The following EFCC1 variants were observed in gnomAD, a reference collection of about 807,000 sequenced individuals.
The protein encoded by EFCC1 is EF-hand and coiled-coil domain containing 1.
In EFCC1, 50 loss-of-function variants were observed where a neutral mutation model predicts 52.1. That is an observed-to-expected ratio of 0.96 (90% CI 0.76 to 1.21). The LOEUF is 1.21. Among genes scored for constraint, EFCC1 ranks in the 50% most tolerant of loss-of-function variants. The pLI, the probability that EFCC1 is intolerant of heterozygous loss-of-function variation, is 0.00. For synonymous variants in EFCC1, 399 were observed against 396.5 expected (o/e 1.01, Z -0.08); for missense variants, 837 against 867.3 (o/e 0.97, Z 0.44).
intron 2 of EFCC1, among the ~76,000 whole-genome samples, chr3:129,016,205 C>T (rs887479715): frequency 6.6e-6 from 1 of 152,150 alleles, no homozygotes; most frequent in African/African-American, 2.4e-5. Flanking sequence ...GCTACAGTTG[C>T]TGTACAGGTA....
chr3:129,039,995 CGAGCCCA>C lies in EFCC1; in HGVS notation c.*153_*159del. On this transcript the variant is annotated 3_prime_UTR_variant, in exon 8 of 8. Transcript: ENST00000683648. ...TGCTGGCTCCTTCCAAGGTTAAGCC[CGAGCCCA>C]GAGCCTCCCATTGCAGCACCTGGCA... The C allele has an allele frequency of 1.8e-6, 2 of 1,142,672 alleles. No individual in the cohort carries two copies. The highest frequency in any genetic ancestry group is 2.3e-6 in the Non-Finnish European group (2 of 858,404). 70.8% of individuals were successfully genotyped at this position (1,142,672 alleles called of 1,614,324 possible).
intron 6 of EFCC1, 113 bp downstream of exon 6, chr3:129,037,230 AT>A (rs1946369083): frequency 2.2e-6 from 3 of 1,373,042 alleles, no homozygotes; most frequent in South Asian, 3.2e-5. Context: ...GGCAGCTGTT[AT>A]CCCATTTTAC....
intron 5 of EFCC1, 91 bp from the exon 6 acceptor site, chr3:129,036,886 A>G (rs1946360143): frequency 6.3e-7 from 1 of 1,590,016 alleles, no homozygotes; most frequent in Non-Finnish European, 8.5e-7. Flanking sequence ...GGGCCTCAGC[A>G]CCAGCCTCGG....
At position 129,003,827 on chromosome 3, in the gene EFCC1, G is replaced by T. The variant is rs1944922617; in HGVS notation, c.730G>T (p.Glu244Ter). The T allele has an allele frequency of 6.8e-7, 1 of 1,466,332 alleles. No individual in the cohort carries two copies. Among genetic ancestry groups the T allele is most frequent in the South Asian group, 1.3e-5 (1 of 78,202 alleles). The allele number at this position is 1,466,332 out of a possible 1,614,324, so 90.8% of individuals were successfully genotyped here. A position where few individuals can be genotyped will look rare whatever the true frequency, so the allele number is the denominator to read the frequency against. ...CTGGAAGAGCCAGGCGAGCACCCAC[G>T]AGATGGGGCACGGCGGGCCGGAGGC... ...GLWKSQASTHEMGHGGPEAAV... is the reference protein window; with the variant it reads ...GLWKSQASTH The change falls in exon 2 of 8, where the codon GAG becomes TAG. Residue 244 changes from glutamate to a stop codon, truncating the protein, a stop_gained. Transcript: ENST00000683648. LOFTEE classifies it high-confidence loss of function.
chr3:129,002,499 C>T (rs1330367200), intron 1 of EFCC1, 175 bp downstream of exon 1: 3 of 1,250,288 alleles, frequency 2.4e-6, no homozygotes, highest in Admixed American at 3.7e-5. Flanking sequence ...CCTCCCCATT[C>T]CACTCCAGTC....
rs1269482741 is a variant in EFCC1, at chr3:129,010,080, G to A, written c.980+6003G>A. On this transcript the variant is annotated intron_variant, in intron 2 of 7. Transcript: ENST00000683648. The surrounding 1 kb of genome is among the most constrained non-coding windows in gnomAD (Gnocchi z 4.3). ...ACACACGAATGGACCAGCGGGCATGGGAGTGGATGCTGTCCTCAAAACTGG... is the reference window on the plus strand; with the variant it reads ...ACACACGAATGGACCAGCGGGCATGAGAGTGGATGCTGTCCTCAAAACTGG... Among the ~76,000 whole-genome samples the A allele has an allele frequency of 6.6e-6, 1 of 152,234 alleles. No homozygotes were observed. Among genetic ancestry groups the A allele is most frequent in the Admixed American group, 6.5e-5 (1 of 15,288 alleles).
intron 2 of EFCC1, among the ~76,000 whole-genome samples, chr3:129,015,509 G>A (rs777987050): frequency 2.0e-5 from 3 of 152,058 alleles, no homozygotes; most frequent in Non-Finnish European, 2.9e-5. Context: ...ATCCTTCGGT[G>A]AATTAAAGAA....
chr3:129,012,099 C>T (rs1262444222), intron 2 of EFCC1, among the ~76,000 whole-genome samples: 2 of 152,222 alleles, frequency 1.3e-5, no homozygotes, highest in Non-Finnish European at 2.9e-5. Context: ...CCAGACCAGT[C>T]ACCCTTGGCC....
intron 1 of EFCC1, 78 bp downstream of exon 1, chr3:129,002,402 G>A: frequency 6.9e-7 from 1 of 1,456,432 alleles, no homozygotes; most frequent in Admixed American, 2.4e-5. Context: ...TGCGGAGCCC[G>A]ACAGGACAGA....
intron 2 of EFCC1, among the ~76,000 whole-genome samples, chr3:129,008,902 G>T (rs760169163): frequency 1.3e-5 from 2 of 151,604 alleles, no homozygotes; most frequent in Non-Finnish European, 2.9e-5. Flanking sequence ...CCACTCACAT[G>T]ACCTTGTCTG....
intron 2 of EFCC1, among the ~76,000 whole-genome samples, chr3:129,008,946 C>T (rs1480615041): frequency 6.7e-6 from 1 of 150,234 alleles, no homozygotes; most frequent in Non-Finnish European, 1.5e-5. Flanking sequence ...TCTTCAAATC[C>T]CACAAAATAG....
rs1946255155 is a variant in EFCC1, at chr3:129,030,701, A to C, written c.981-2A>C. On this transcript the variant is annotated splice_acceptor_variant, in intron 2 of 7. Transcript: ENST00000683648. LOFTEE classifies it high-confidence loss of function. ...ATGCCTGTGTCTCTCCCACGGCTGC[A>C]GGTCAGAGGATTCCCAGCTCCCAAC... 7.7e-6 allele frequency: 12 copies of C among 1,551,086 alleles called. No individual in the cohort carries two copies. The highest frequency in any genetic ancestry group is 9.6e-6 in the Non-Finnish European group (11 of 1,146,620).
At chr3:129,024,715 C>T (rs1056455010) in intron 2 of EFCC1, among the ~76,000 whole-genome samples, 6 of 151,990 alleles carry the variant, frequency 3.9e-5, no homozygotes, top group African/African-American at 1.2e-4. Context: ...GGAGCCCACT[C>T]CTGCAGTAAT....
intron 2 of EFCC1, among the ~76,000 whole-genome samples, chr3:129,023,680 T>C (rs540710186): frequency 2.6e-5 from 4 of 152,350 alleles, no homozygotes; most frequent in African/African-American, 9.6e-5. Flanking sequence ...TGGCAAGAGA[T>C]GCTGGGTTTT....
At chr3:129,027,490 G>T (rs1178431716) in intron 2 of EFCC1, among the ~76,000 whole-genome samples, 1 of 152,176 alleles carries the variant, frequency 6.6e-6, no homozygotes, top group Non-Finnish European at 1.5e-5. Context: ...CGGATCAGCC[G>T]CGGGAGGCTC....
chr3:129,035,587 G>C (rs565348004), intron 5 of EFCC1, among the ~76,000 whole-genome samples: 1 of 152,360 alleles, frequency 6.6e-6, no homozygotes, highest in South Asian at 2.1e-4. Flanking sequence ...CTGCTGAAAT[G>C]TGCAAAAGGA....
At chr3:129,034,481 TAAG>T in intron 5 of EFCC1, 152 bp downstream of exon 5, 1 of 917,510 alleles carries the variant, frequency 1.1e-6, no homozygotes, top group Non-Finnish European at 1.6e-6. Flanking sequence ...TTAAATTTAA[TAAG>T]AAATATTTTG....
At chr3:129,011,507 T>G (rs1945325790) in intron 2 of EFCC1, among the ~76,000 whole-genome samples, 1 of 150,100 alleles carries the variant, frequency 6.7e-6, no homozygotes, top group East Asian at 2.0e-4. Context: ...GCCAAGATTG[T>G]GCCACTGTAC....
intron 2 of EFCC1, among the ~76,000 whole-genome samples, chr3:129,020,969 C>T (rs1227105180): frequency 6.6e-6 from 1 of 152,198 alleles, no homozygotes; most frequent in African/African-American, 2.4e-5. Context: ...GATGTAAGGC[C>T]TCATGAGAGC....
Sources: allele counts gnomAD v4.1 joint callset (sites outside exome capture counted in the v4.1 genomes callset), GRCh38; gene constraint gnomAD v4.1.1; non-coding constraint Gnocchi (gnomAD v3.1); transcripts MANE v1.5; gene names NCBI Gene and HGNC (gene_info 2026-07-23, HGNC 2026-07-21).